Variants in ZNF441 observed in about 807,000 individuals in gnomAD.
ZNF441 encodes zinc finger protein 441.
ZNF441 carries 25 observed loss-of-function variants against 64.5 expected under a neutral mutation model. The ratio of observed to expected loss-of-function variants is 0.39; its 90% confidence interval spans 0.28 to 0.54. The LOEUF is 0.54. Among genes scored for constraint, ZNF441 ranks in the 20% least tolerant of loss-of-function variants. ZNF441 has a pLI of 0.70. For missense variants in ZNF441, 715 were observed against 843.3 expected, an observed-to-expected ratio of 0.85 and a Z score of 1.88; for synonymous variants, 262 against 268.0, an observed-to-expected ratio of 0.98 and a Z score of 0.22.
At chr19:11,774,557 A>C (rs1024239916) in intron 1 of ZNF441, among the ~76,000 whole-genome samples, 1 of 152,176 alleles carries the variant, frequency 6.6e-6, no homozygotes, top group Admixed American at 6.5e-5. Context: ...ACATCTATAG[A>C]GAAATTTTCA....
chr19:11,777,949 C>A, intron 2 of ZNF441: 1 of 476,576 alleles, frequency 2.1e-6, no homozygotes, highest in Non-Finnish European at 3.7e-6. Context: ...TTGATTAATA[C>A]ATGTATTATA....
At chr19:11,779,257 C>G (rs1040091587) in intron 3 of ZNF441, among the ~76,000 whole-genome samples, 1 of 149,350 alleles carries the variant, frequency 6.7e-6, no homozygotes, top group South Asian at 2.1e-4. Flanking sequence ...AGGTCAAAGC[C>G]GCAGTAAGCC....
chr19:11,778,061 C>T, intron 2 of ZNF441: 1 of 433,924 alleles, frequency 2.3e-6, no homozygotes, highest in Non-Finnish European at 4.1e-6. Flanking sequence ...ATTTAGTATT[C>T]ATAGAAAATA....
At chr19:11,778,534 C>T in intron 3 of ZNF441, 141 bp downstream of exon 3, 1 of 639,690 alleles carries the variant, frequency 1.6e-6, no homozygotes, top group Non-Finnish European at 2.7e-6. Context: ...TCATAGCTCG[C>T]TGTAGCCTCG....
intron 3 of ZNF441, 124 bp downstream of exon 3, chr19:11,778,517 G>A (rs1321457431): frequency 1.5e-5 from 11 of 741,898 alleles, no homozygotes; most frequent in East Asian, 2.8e-5. Flanking sequence ...GGAGTACAGT[G>A]GTATGATCAT....
intron 1 of ZNF441, among the ~76,000 whole-genome samples, chr19:11,769,089 G>A (rs910987883): frequency 2.0e-5 from 3 of 152,160 alleles, no homozygotes; most frequent in Non-Finnish European, 4.4e-5. Flanking sequence ...GATGGTATAA[G>A]GGATGCATAT....
chr19:11,777,885 C>T lies in ZNF441; in HGVS notation c.130+148C>T, dbSNP rs1170481937. 1.9e-5 allele frequency: 15 copies of T among 785,148 alleles called. 2 individuals are homozygous for T. The highest frequency in any genetic ancestry group is 1.6e-4 in the African/African-American group (9 of 56,400). 48.6% of individuals were successfully genotyped at this position (785,148 alleles called of 1,614,324 possible). A position where few individuals can be genotyped will look rare whatever the true frequency, so the allele number is the denominator to read the frequency against. On this transcript the variant is annotated intron_variant, in intron 2 of 3. Transcript: ENST00000357901. Reference sequence around the variant, plus strand: ...CAGTCATACATCTTCTCCCGCACAACTTAACCACTAGTAGCCTACTGTTTA... The same window carrying T: ...CAGTCATACATCTTCTCCCGCACAATTTAACCACTAGTAGCCTACTGTTTA...
intron 3 of ZNF441, 150 bp downstream of exon 3, chr19:11,778,543 C>G (rs1975371968): frequency 1.6e-6 from 1 of 616,686 alleles, no homozygotes; most frequent in Non-Finnish European, 2.8e-6. Context: ...GCTGTAGCCT[C>G]GGACTCCTGT....
chr19:11,778,090 A>G (rs557671499), intron 2 of ZNF441: 40 of 464,230 alleles, frequency 8.6e-5, no homozygotes, highest in African/African-American at 1.6e-4. Flanking sequence ...CAAAGTTTTC[A>G]TTCTGATTGT....
chr19:11,771,102 C>T (rs1975310245), intron 1 of ZNF441, among the ~76,000 whole-genome samples: 1 of 152,070 alleles, frequency 6.6e-6, no homozygotes, highest in Non-Finnish European at 1.5e-5. Context: ...AGCAAGAAAT[C>T]AGTAGAAAAC....
Position 11,777,793 on chromosome 19 carries a change from A to T in ZNF441, c.130+56A>T, listed in dbSNP as rs966302923. ...AATTAGAGACATTTGTTTCTTGGTCATCAATGCTGTTCAATTATTTGAAAT... is the reference window on the plus strand; with the variant it reads ...AATTAGAGACATTTGTTTCTTGGTCTTCAATGCTGTTCAATTATTTGAAAT... On this transcript the variant is annotated intron_variant, in intron 2 of 3. Transcript: ENST00000357901. 4.5e-6 allele frequency: 7 copies of T among 1,569,542 alleles called. No homozygotes were observed. The African/African-American group carries it at 9.6e-5, about 22-fold the overall frequency.
chr19:11,779,155 C>CA (rs918563597), intron 3 of ZNF441, among the ~76,000 whole-genome samples: 15 of 151,228 alleles, frequency 9.9e-5, no homozygotes, highest in African/African-American at 3.4e-4. Context: ...GCCCTTTCTA[C>CA]AAAAAATACA....
chr19:11,769,851 T>A (rs1376653686), intron 1 of ZNF441, among the ~76,000 whole-genome samples: 1 of 152,012 alleles, frequency 6.6e-6, no homozygotes, highest in Admixed American at 6.6e-5. Flanking sequence ...ATTTTTTGTA[T>A]TTTTAGTAGA....
At position 11,777,733 on chromosome 19, in the gene ZNF441, T is replaced by C; in HGVS notation, c.126T>C (p.Cys42=). 6.2e-7 allele frequency: 1 copy of C among 1,609,216 alleles called. No individual in the cohort carries two copies. Among genetic ancestry groups the C allele is most frequent in the Non-Finnish European group, 8.5e-7 (1 of 1,178,198 alleles). ...VMQETIRNLD[C]IGMIWQNHDI... ...AGGAAACCATCAGAAACCTGGACTG[T>C]ATAGGTAAGGATGTCATCATGTCTT... is the stretch of plus-strand genomic sequence containing the variant. Residue 42 remains cysteine, a synonymous_variant, in exon 2 of 4, where the codon TGT becomes TGC. Transcript: ENST00000357901.
intron 2 of ZNF441, 170 bp from the exon 3 acceptor site, chr19:11,778,160 G>A: frequency 1.8e-6 from 1 of 567,752 alleles, no homozygotes; most frequent in Non-Finnish European, 3.1e-6. Context: ...AAGAGTAGCA[G>A]AGACTGAAGA....
At chr19:11,778,274 A>G in intron 2 of ZNF441, 56 bp from the exon 3 acceptor site, 1 of 1,221,670 alleles carries the variant, frequency 8.2e-7, no homozygotes, top group East Asian at 2.6e-5. Context: ...AAAATCTTAC[A>G]GTCTTTCTAT....
At position 11,777,716 on chromosome 19, in the gene ZNF441, A is replaced by G; in HGVS notation, c.109A>G (p.Ile37Val). 6.2e-7 allele frequency: 1 copy of G among 1,612,734 alleles called. No homozygotes were observed. The highest frequency in any genetic ancestry group is 8.5e-7 in the Non-Finnish European group (1 of 1,179,398). ...CTACAGAGATGTGATGCAGGAAACC[A>G]TCAGAAACCTGGACTGTATAGGTAA... ...SLYRDVMQET[I>V]RNLDCIGMIW... The change falls in exon 2 of 4, where the codon ATC becomes GTC. Residue 37 changes from isoleucine to valine, a missense_variant. This residue lies in a region of ZNF441 where 399 missense variants were observed against 413.9 expected (regional missense o/e 0.96). Coordinates refer to ENST00000357901, the MANE Select transcript of ZNF441 (RefSeq NM_152355.3).
intron 1 of ZNF441, among the ~76,000 whole-genome samples, chr19:11,775,618 C>A (rs914797441): frequency 2.7e-4 from 38 of 142,602 alleles, no homozygotes; most frequent in African/African-American, 1.0e-3. Flanking sequence ...CATGAGCCAC[C>A]GCGCCCAGCC....
At chr19:11,776,924 G>A (rs1975359656) in intron 1 of ZNF441, among the ~76,000 whole-genome samples, 1 of 151,736 alleles carries the variant, frequency 6.6e-6, no homozygotes, top group Non-Finnish European at 1.5e-5. Context: ...TTCTCCTGCC[G>A]CAGCCTCCTG....
Sources: gnomAD v4.1 joint callset for allele counts (sites outside exome capture counted in the v4.1 genomes callset) on GRCh38, gnomAD v4.1.1 for gene constraint, gnomAD v4.1.1 regional missense constraint, MANE v1.5 for transcripts, NCBI Gene and HGNC (gene_info 2026-07-23, HGNC 2026-07-21) for gene names.